The following RBFOX3 variants were observed in gnomAD, a reference collection of about 807,000 sequenced individuals.
The protein encoded by RBFOX3 is RNA binding protein fox-1 homolog 3.
A neutral mutation model predicts 48.7 loss-of-function variants in RBFOX3; 17 were observed. The ratio of observed to expected loss-of-function variants is 0.35; its 90% CI spans 0.24 to 0.52. The LOEUF is 0.52. RBFOX3 is among the 20% of genes least tolerant of loss of function. RBFOX3 has a pLI of 0.94. For missense variants in RBFOX3, 382 were observed against 497.5 expected (o/e 0.77, Z 2.21); for synonymous variants, 212 against 209.5 (o/e 1.01, Z -0.10).
At chr17:79,128,924 A>G (rs571887526) in intron 4 of RBFOX3, among the ~76,000 whole-genome samples, 2 of 152,342 alleles carry the variant, frequency 1.3e-5, no homozygotes, top group African/African-American at 4.8e-5. Context: ...GCCTCAGGCC[A>G]GAGTGAGGCT....
At chr17:79,171,656 C>G (rs999780748) in intron 4 of RBFOX3, among the ~76,000 whole-genome samples, 2 of 100,402 alleles carry the variant, frequency 2.0e-5, no homozygotes, top group African/African-American at 5.0e-5. Context: ...AAAAATAGAT[C>G]TTGCCACTTT....
intron 4 of RBFOX3, among the ~76,000 whole-genome samples, chr17:79,229,955 C>T (rs2060807180): frequency 6.6e-6 from 1 of 152,200 alleles, no homozygotes; most frequent in African/African-American, 2.4e-5. Flanking sequence ...TGTGTCCAAG[C>T]TCCTAATCAG....
At chr17:79,296,528 G>C (rs1188217567) in intron 3 of RBFOX3, among the ~76,000 whole-genome samples, 1 of 152,116 alleles carries the variant, frequency 6.6e-6, no homozygotes, top group Admixed American at 6.5e-5. Flanking sequence ...ACTGGAGGAG[G>C]GTAGCCCCAG....
chr17:79,522,335 G>A lies in RBFOX3; in HGVS notation c.-319-39737C>T, dbSNP rs951734944. On this transcript the variant is annotated intron_variant, in intron 1 of 14. Transcript: ENST00000693108. ...AGCCTTAAGTCCACCAGTCTCTAGA[G>A]ATTCTCTCCCTCCTCAAAAACCATC... Among the ~76,000 whole-genome samples the A allele has an allele frequency of 5.9e-5, 9 of 152,166 alleles. 1 individual carries two copies. Among genetic ancestry groups the A allele is most frequent in the Admixed American group, 2.0e-4 (3 of 15,286 alleles).
chr17:79,253,496 T>A (rs989403340), intron 3 of RBFOX3, among the ~76,000 whole-genome samples: 1 of 152,200 alleles, frequency 6.6e-6, no homozygotes, highest in Admixed American at 6.5e-5. Context: ...TGGCGGGGTA[T>A]CCAGGCACAA....
intron 2 of RBFOX3, among the ~76,000 whole-genome samples, chr17:79,325,699 C>A (rs945624571): frequency 6.6e-6 from 1 of 152,162 alleles, no homozygotes; most frequent in East Asian, 1.9e-4. Flanking sequence ...GTGGCTCCTC[C>A]CTCTCTCCCT....
intron 2 of RBFOX3, among the ~76,000 whole-genome samples, chr17:79,459,883 T>G (rs2075142489): frequency 6.6e-6 from 1 of 152,214 alleles, no homozygotes; most frequent in South Asian, 2.1e-4. Context: ...ATTGTGTGAC[T>G]GGAATAGTCA....
chr17:79,172,120 G>T (rs868647084), intron 4 of RBFOX3, among the ~76,000 whole-genome samples: 32 of 140,588 alleles, frequency 2.3e-4, no homozygotes, highest in Middle Eastern at 4.1e-3. Context: ...GTTGCAGTGA[G>T]CCGACATTAC....
At chr17:79,324,860 A>C (rs57146709) in intron 2 of RBFOX3, among the ~76,000 whole-genome samples, 33,353 of 152,194 alleles carry the variant, frequency 0.22, 3,994 homozygotes, top group East Asian at 0.36. Flanking sequence ...AAGCAGGAAG[A>C]GGGCTGAAGA....
rs1425513491 is a variant in RBFOX3, at chr17:79,111,448, CTCTT to C, written c.222+4042_222+4045del. Among the ~76,000 whole-genome samples the C allele has an allele frequency of 3.3e-5, 5 of 152,204 alleles. No homozygotes were observed. The highest frequency in any genetic ancestry group is 5.9e-5 in the Non-Finnish European group (4 of 68,034). ...TTTTTATCTGCGTGCTAATCTCTCT[CTCTT>C]TTTCTCAGAGTTTTGCTCTGTCGCC... On this transcript the variant is annotated intron_variant, in intron 5 of 14. Transcript: ENST00000693108. This position sits in a 1 kb window ranked among gnomAD's most constrained non-coding sequence, Gnocchi z 4.2.
chr17:79,356,344 G>T (rs1167946234), intron 2 of RBFOX3, among the ~76,000 whole-genome samples: 1 of 89,968 alleles, frequency 1.1e-5, no homozygotes, highest in African/African-American at 4.1e-5. Context: ...TTTAAAACAG[G>T]GAAGTTTTTT....
intron 2 of RBFOX3, among the ~76,000 whole-genome samples, chr17:79,356,583 G>T (rs2085169562): frequency 6.6e-6 from 1 of 151,422 alleles, no homozygotes; most frequent in Non-Finnish European, 1.5e-5. Context: ...TGGCCAGGCT[G>T]GTCTTGAACT....
chr17:79,478,002 G>C (rs1228355824), intron 2 of RBFOX3, among the ~76,000 whole-genome samples: 3 of 152,272 alleles, frequency 2.0e-5, no homozygotes, highest in South Asian at 2.1e-4. Context: ...TGCAAGCCTG[G>C]GAGCAACGTC....
chr17:79,096,597 A>C, intron 12 of RBFOX3, 56 bp downstream of exon 12: 1 of 1,462,244 alleles, frequency 6.8e-7, no homozygotes, highest in East Asian at 2.5e-5. Context: ...CCGACTTCTC[A>C]TTGAGACCCA....
chr17:79,311,797 C>A lies in RBFOX3; in HGVS notation c.-174-3973G>T, dbSNP rs2076893883. Among the ~76,000 whole-genome samples, 1 of 152,114 alleles carries A rather than the reference C, an allele frequency of 6.6e-6. No individual in the cohort carries two copies. The highest frequency in any genetic ancestry group is 1.5e-5 in the Non-Finnish European group (1 of 68,024). The stretch of plus-strand genomic sequence containing the variant: ...GTGGGAAGCAGTGCCCCCATGATGG[C>A]AGAAACGGGGAACAGGAAGGAGGCA... On this transcript the variant is annotated intron_variant, in intron 2 of 14. Transcript: ENST00000693108. This position sits in a 1 kb window ranked among gnomAD's most constrained non-coding sequence, Gnocchi z 4.2.
the RBFOX3 span, among the ~76,000 whole-genome samples, chr17:79,660,664 G>T: frequency 6.6e-6 from 1 of 152,224 alleles, no homozygotes; most frequent in Non-Finnish European, 1.5e-5. Context: ...CGAGGTTATG[G>T]AGGAAAAGGA....
intron 1 of RBFOX3, among the ~76,000 whole-genome samples, chr17:79,513,380 T>A (rs1465590001): frequency 6.6e-6 from 1 of 152,166 alleles, no homozygotes; most frequent in East Asian, 1.9e-4. Context: ...CCAGGATGCA[T>A]GTCATCATCA....
chr17:79,257,251 C>T (rs770548181), intron 3 of RBFOX3, among the ~76,000 whole-genome samples: 4 of 152,230 alleles, frequency 2.6e-5, no homozygotes, highest in South Asian at 2.1e-4. Context: ...CCCCAAGCCC[C>T]GAGCCCCGGG....
intron 3 of RBFOX3, among the ~76,000 whole-genome samples, chr17:79,253,025 C>T (rs2064214674): frequency 6.6e-6 from 1 of 152,180 alleles, no homozygotes; most frequent in Non-Finnish European, 1.5e-5. Context: ...TGGCCCTGAC[C>T]CTGCGGGGTG....
Sources: gnomAD v4.1 joint callset for allele counts (sites outside exome capture counted in the v4.1 genomes callset) on GRCh38, gnomAD v4.1.1 for gene constraint, Gnocchi (gnomAD v3.1) non-coding constraint, MANE v1.5 for transcripts, NCBI Gene and HGNC (gene_info 2026-07-23, HGNC 2026-07-21) for gene names.